Variants in TEAD1 observed in about 807,000 individuals in gnomAD.
TEAD1 encodes the protein TEA domain transcription factor 1, also known as transcriptional enhancer factor TEF-1.
A neutral mutation model predicts 54.9 loss-of-function variants in TEAD1; 9 were observed. The ratio of observed to expected loss-of-function variants is 0.16; its 90% CI spans 0.10 to 0.29. The LOEUF (loss-of-function observed/expected upper bound fraction) is 0.29. Ranked by LOEUF, TEAD1 falls within the 10% of genes least tolerant of loss-of-function variation. TEAD1 has a pLI of 1.00. For synonymous variants in TEAD1, 200 were observed against 187.8 expected, an observed-to-expected ratio of 1.07 and a Z score of -0.53; for missense variants, 387 against 535.9, an observed-to-expected ratio of 0.72 and a Z score of 2.74.
chr11:12,689,168 C>T (rs1943400336), intron 2 of TEAD1, among the ~76,000 whole-genome samples: 1 of 152,184 alleles, frequency 6.6e-6, no homozygotes, highest in Non-Finnish European at 1.5e-5. Flanking sequence ...CCTTTCTCCT[C>T]TGCTCTTATC....
At position 12,930,323 on chromosome 11, in the gene TEAD1, A is replaced by G. The variant is rs1948990331; in HGVS notation, c.1164A>G (p.Leu388=). 6.2e-7 allele frequency: 1 copy of G among 1,614,030 alleles called. No homozygotes were observed. The change falls in exon 12 of 13, where the codon TTA becomes TTG. Residue 388 remains leucine (L), a synonymous_variant. Transcript: ENST00000527636. ...GTGTTTTGGAAAACTTCACAATTTT[A>G]TTGGTAATGGTTTTGTCTCTTTCCT...
In TEAD1 at chr11:12,888,100, C is replaced by A. The variant is rs190573880; in HGVS notation, c.699+4975C>A. ...AGTGACTTCTTTCATCTTTATTGAG[C>A]TCTGTGAGGTAGGTTATTCTATTCC... On this transcript the variant is annotated intron_variant, in intron 9 of 12. Coordinates refer to ENST00000527636, the MANE Select transcript of TEAD1 (RefSeq NM_021961.6). 3.9e-5 allele frequency among the ~76,000 whole-genome samples: 6 copies of A among 152,332 alleles called. No homozygotes were observed. The East Asian group carries it at 1.2e-3, about 29-fold the overall frequency.
intron 9 of TEAD1, among the ~76,000 whole-genome samples, chr11:12,901,508 G>A (rs1006124504): frequency 2.0e-5 from 3 of 152,110 alleles, no homozygotes; most frequent in African/African-American, 4.8e-5. Flanking sequence ...CTGTATCTAC[G>A]CTGTCCCAGG....
chr11:12,930,883 T>C (rs1013970680), intron 12 of TEAD1, among the ~76,000 whole-genome samples: 1 of 152,200 alleles, frequency 6.6e-6, no homozygotes, highest in African/African-American at 2.4e-5. Flanking sequence ...CAGGAAAATA[T>C]AAGCTCTCAG....
At chr11:12,772,320 A>G (rs1467776048) in intron 3 of TEAD1, among the ~76,000 whole-genome samples, 1 of 152,192 alleles carries the variant, frequency 6.6e-6, no homozygotes, top group Non-Finnish European at 1.5e-5. Flanking sequence ...ACACTTGGCC[A>G]TTTGGTTAGT....
At chr11:12,824,154 C>A (rs1269708882) in intron 3 of TEAD1, among the ~76,000 whole-genome samples, 1 of 152,150 alleles carries the variant, frequency 6.6e-6, no homozygotes, top group Non-Finnish European at 1.5e-5. Flanking sequence ...TGTGAAATCC[C>A]CAATTGTAAT....
At chr11:12,726,070 A>C (rs1944304666) in intron 2 of TEAD1, among the ~76,000 whole-genome samples, 1 of 152,198 alleles carries the variant, frequency 6.6e-6, no homozygotes, top group African/African-American at 2.4e-5. Context: ...AAACAGGCAC[A>C]GTCCTGTCTT....
chr11:12,817,964 G>A (rs763298082), intron 3 of TEAD1, among the ~76,000 whole-genome samples: 30 of 152,336 alleles, frequency 2.0e-4, no homozygotes, highest in Non-Finnish European at 4.4e-5. Flanking sequence ...AGAAAGCGGC[G>A]TTTGTTTATA....
intron 3 of TEAD1, among the ~76,000 whole-genome samples, chr11:12,818,198 T>C (rs1946456649): frequency 6.6e-6 from 1 of 152,224 alleles, no homozygotes; most frequent in Non-Finnish European, 1.5e-5. Context: ...TTTTCATCTA[T>C]ATGACGTTAT....
chr11:12,862,572 C>T (rs953791181), intron 4 of TEAD1, among the ~76,000 whole-genome samples: 3 of 152,158 alleles, frequency 2.0e-5, no homozygotes, highest in Non-Finnish European at 2.9e-5. Context: ...ATGAACCGCT[C>T]CTGTACTGTA....
chr11:12,928,144 C>T (rs1008442061), intron 11 of TEAD1, among the ~76,000 whole-genome samples: 2 of 152,146 alleles, frequency 1.3e-5, no homozygotes, highest in Non-Finnish European at 2.9e-5. Context: ...AATACATTTC[C>T]TCAATGTGTA....
intron 3 of TEAD1, among the ~76,000 whole-genome samples, chr11:12,821,328 C>G (rs1293925017): frequency 1.3e-5 from 2 of 152,162 alleles, no homozygotes; most frequent in Admixed American, 6.5e-5. Flanking sequence ...ACTTTCTTGC[C>G]CTGTGACCCT....
intron 3 of TEAD1, among the ~76,000 whole-genome samples, chr11:12,811,591 A>G (rs1046476258): frequency 1.3e-5 from 2 of 152,174 alleles, no homozygotes; most frequent in African/African-American, 4.8e-5. Context: ...TCCTCATGCT[A>G]AGGCAGAACA....
rs371300082 is a variant in TEAD1, at chr11:12,865,957, G to A, written c.330+1057G>A. On this transcript the variant is annotated intron_variant, in intron 5 of 12. Transcript: ENST00000527636. ...AACAGTGTAGTCTCACAACACTTGA[G>A]TGGTGAGCACTGGGACTCTTCCCAA... 9.2e-5 allele frequency among the ~76,000 whole-genome samples: 14 copies of A among 152,258 alleles called. No individual in the cohort carries two copies. The East Asian group carries it at 2.5e-3, about 27-fold the overall frequency.
chr11:12,864,998 C>A, intron 5 of TEAD1, 98 bp downstream of exon 5: 1 of 1,342,032 alleles, frequency 7.5e-7, no homozygotes, highest in Non-Finnish European at 1.1e-6. Flanking sequence ...ATTCTCGTAA[C>A]CTAGTTTCCT....
chr11:12,809,221 G>A (rs1946240320), intron 3 of TEAD1, among the ~76,000 whole-genome samples: 1 of 152,142 alleles, frequency 6.6e-6, no homozygotes. Flanking sequence ...CTCAGTGACG[G>A]GGCCACTCAC....
intron 3 of TEAD1, among the ~76,000 whole-genome samples, chr11:12,859,953 T>A (rs191350976): frequency 4.6e-5 from 7 of 152,224 alleles, no homozygotes; most frequent in Non-Finnish European, 1.0e-4. Flanking sequence ...AGGTAGAGTA[T>A]TTAGGATGAG....
intron 2 of TEAD1, among the ~76,000 whole-genome samples, chr11:12,680,556 C>T (rs551259629): frequency 7.9e-5 from 12 of 152,328 alleles, no homozygotes; most frequent in South Asian, 4.1e-4. Context: ...CTGCCTGGCT[C>T]GCCCTCCCCC....
intron 3 of TEAD1, among the ~76,000 whole-genome samples, chr11:12,846,621 T>C (rs1357906401): frequency 1.3e-5 from 2 of 152,198 alleles, no homozygotes; most frequent in African/African-American, 4.8e-5. Flanking sequence ...AATAAGGCCC[T>C]GAGTTAGCAT....
Sources: gnomAD v4.1 joint callset for allele counts (sites outside exome capture counted in the v4.1 genomes callset) on GRCh38, gnomAD v4.1.1 for gene constraint, MANE v1.5 for transcripts, NCBI Gene and HGNC (gene_info 2026-07-23, HGNC 2026-07-21) for gene names.